The following ZZZ3 variants were observed in gnomAD, a reference collection of about 807,000 sequenced individuals.
ZZZ3 encodes zinc finger ZZ-type containing 3, also known as ZZ-type zinc finger-containing protein 3.
Under a neutral mutation model 95.2 loss-of-function variants are expected in ZZZ3, and 22 were observed. The ratio of observed to expected loss-of-function variants is 0.23; its 90% CI spans 0.17 to 0.33. The LOEUF (loss-of-function observed/expected upper bound fraction) is 0.33, where lower values mean the gene tolerates loss of function less well. Among genes scored for constraint, ZZZ3 ranks in the 10% least tolerant of loss-of-function variants. The probability of loss-of-function intolerance (pLI) is 1.00; values close to 1 mark genes in which losing one functional copy is unlikely to be tolerated. For missense variants in ZZZ3, 885 were observed against 1,066.5 expected, an observed-to-expected ratio of 0.83 and a Z score of 2.37; for synonymous variants, 335 against 358.9, an observed-to-expected ratio of 0.93 and a Z score of 0.75.
chr1:77,622,873 T>C (rs1180910216), intron 5 of ZZZ3, among the ~76,000 whole-genome samples: 1 of 152,206 alleles, frequency 6.6e-6, no homozygotes, highest in Non-Finnish European at 1.5e-5. Context: ...CTGAAACTAT[T>C]TTTTAAGGTA....
intron 1 of ZZZ3, among the ~76,000 whole-genome samples, chr1:77,673,025 T>A (rs1433666693): frequency 1.3e-5 from 2 of 152,226 alleles, no homozygotes; most frequent in African/African-American, 2.4e-5. Context: ...ACAGGACTGC[T>A]AAGTATACAC....
At chr1:77,658,187 A>G (rs1242871247) in intron 1 of ZZZ3, among the ~76,000 whole-genome samples, 1 of 151,222 alleles carries the variant, frequency 6.6e-6, no homozygotes, top group Non-Finnish European at 1.5e-5. Flanking sequence ...TCAAAAAAAA[A>G]AAAAAAAAAA....
At chr1:77,650,960 A>C (rs987405752) in intron 1 of ZZZ3, among the ~76,000 whole-genome samples, 1 of 152,300 alleles carries the variant, frequency 6.6e-6, no homozygotes. Flanking sequence ...AGGACATAAT[A>C]ATCTTTCCAA....
At chr1:77,649,816 T>C (rs1669637774) in intron 1 of ZZZ3, among the ~76,000 whole-genome samples, 1 of 150,774 alleles carries the variant, frequency 6.6e-6, no homozygotes, top group Non-Finnish European at 1.5e-5. Context: ...CAGGAGGCAG[T>C]GAGCCGAGAT....
chr1:77,571,861 G>A (rs1418048228), intron 12 of ZZZ3, among the ~76,000 whole-genome samples: 1 of 152,188 alleles, frequency 6.6e-6, no homozygotes, highest in African/African-American at 2.4e-5. Context: ...GCACAATAAT[G>A]TGACTGTACA....
At chr1:77,635,907 A>G (rs915580991) in intron 4 of ZZZ3, among the ~76,000 whole-genome samples, 3 of 151,984 alleles carry the variant, frequency 2.0e-5, no homozygotes, top group African/African-American at 7.2e-5. Flanking sequence ...CTCTGTCTCA[A>G]AAAAAAATAA....
rs555131825 is a variant in ZZZ3, at chr1:77,616,534, TCA to T, written c.1505+15314_1505+15315del. On this transcript the variant is annotated intron_variant, in intron 5 of 14. Transcript: ENST00000370801. Reference sequence around the variant, plus strand: ...TTTTCCTTATTAAAAACAACAATTTTCACACTTTTTGCTCTATGCATCTCTAC... The same window carrying T: ...TTTTCCTTATTAAAAACAACAATTTTCACTTTTTGCTCTATGCATCTCTAC... 7.9e-3 allele frequency among the ~76,000 whole-genome samples: 1,197 copies of T among 152,326 alleles called. 7 individuals carry two copies. Among genetic ancestry groups the T allele is most frequent in the Non-Finnish European group, 0.012 (836 of 68,026 alleles).
chr1:77,570,158 A>C (rs1661232700), intron 12 of ZZZ3, among the ~76,000 whole-genome samples: 1 of 152,184 alleles, frequency 6.6e-6, no homozygotes, highest in Admixed American at 6.5e-5. Context: ...GCTGGAGCGC[A>C]GTGGCGCGAT....
At chr1:77,660,097 G>A (rs551777483) in intron 1 of ZZZ3, among the ~76,000 whole-genome samples, 20 of 152,232 alleles carry the variant, frequency 1.3e-4, no homozygotes, top group African/African-American at 4.3e-4. Flanking sequence ...CTCCCAAAGA[G>A]CTGGGATTAC....
At chr1:77,667,748 AG>A (rs561996472) in intron 1 of ZZZ3, among the ~76,000 whole-genome samples, 54 of 149,546 alleles carry the variant, frequency 3.6e-4, no homozygotes, top group African/African-American at 1.3e-3. Flanking sequence ...ATATACCATT[AG>A]TTAAATGGGT....
At position 77,565,529 on chromosome 1, in the gene ZZZ3, G is replaced by A. The variant is rs1478913948; in HGVS notation, c.*111C>T. 1 of 1,193,680 alleles carries A rather than the reference G, an allele frequency of 8.4e-7. No homozygotes were observed. The highest frequency in any genetic ancestry group is 1.5e-5 in the South Asian group (1 of 68,262). 73.9% of individuals were successfully genotyped at this position (1,193,680 alleles called of 1,614,324 possible). A position where few individuals can be genotyped will look rare whatever the true frequency, so the allele number is the denominator to read the frequency against. ...AGAACACTCAGGAAGCTCTCATGCTGTGAGTGTCATTTCTGGGAAAGCAGA... is the reference window on the plus strand; with the variant it reads ...AGAACACTCAGGAAGCTCTCATGCTATGAGTGTCATTTCTGGGAAAGCAGA... On this transcript the variant is annotated 3_prime_UTR_variant, in exon 15 of 15. Transcript: ENST00000370801.
chr1:77,575,991 G>GA (rs1157747277), intron 12 of ZZZ3, 77 bp downstream of exon 12: 2 of 1,184,192 alleles, frequency 1.7e-6, no homozygotes, highest in Non-Finnish European at 2.3e-6. Context: ...AACATTCTCT[G>GA]AAGAGTGGAA....
chr1:77,678,329 CAT>C (rs1056616308), intron 1 of ZZZ3, among the ~76,000 whole-genome samples: 13 of 152,008 alleles, frequency 8.6e-5, no homozygotes, highest in African/African-American at 3.1e-4. Flanking sequence ...AAGGAAGTTC[CAT>C]ACACAGTAGC....
chr1:77,618,442 A>C (rs1666541375), intron 5 of ZZZ3, among the ~76,000 whole-genome samples: 1 of 152,098 alleles, frequency 6.6e-6, no homozygotes, highest in Non-Finnish European at 1.5e-5. Flanking sequence ...TGCCATCTGC[A>C]AAATGAAATT....
chr1:77,654,652 T>A lies in ZZZ3; in HGVS notation c.-402-12997A>T, dbSNP rs546875154. On this transcript the variant is annotated intron_variant, in intron 1 of 14. Transcript: ENST00000370801. ...GAAAAGAAAAAATAGGAAATAAACA[T>A]AACTGGCCCTTTTGACATCAGGCCT... 1.5e-4 allele frequency among the ~76,000 whole-genome samples: 23 copies of A among 152,184 alleles called. No individual in the cohort carries two copies. The South Asian group carries it at 3.3e-3, about 22-fold the overall frequency.
At chr1:77,574,127 GATAGATTTACATATAGATATAT>G in intron 12 of ZZZ3, among the ~76,000 whole-genome samples, 2 of 147,748 alleles carry the variant, frequency 1.4e-5, no homozygotes, top group South Asian at 2.1e-4. Flanking sequence ...TATATATATA[GATAGATTTACATATAGATATAT>G]ATAGATTTAT....
intron 5 of ZZZ3, among the ~76,000 whole-genome samples, chr1:77,588,861 T>C (rs964234421): frequency 2.6e-5 from 4 of 152,212 alleles, no homozygotes; most frequent in Non-Finnish European, 4.4e-5. Context: ...TGAACTTACT[T>C]GTGTCAAAGA....
chr1:77,653,692 G>A (rs1379943206), intron 1 of ZZZ3, among the ~76,000 whole-genome samples: 1 of 152,106 alleles, frequency 6.6e-6, no homozygotes, highest in Admixed American at 6.5e-5. Flanking sequence ...GGCGGAGGTT[G>A]CGGTGAGCCT....
At chr1:77,619,518 C>CT (rs1375089422) in intron 5 of ZZZ3, among the ~76,000 whole-genome samples, 1 of 152,150 alleles carries the variant, frequency 6.6e-6, no homozygotes, top group Non-Finnish European at 1.5e-5. Context: ...TTCTTAACCA[C>CT]TCTGTAGGCT....
Sources: gnomAD v4.1 joint callset for allele counts (sites outside exome capture counted in the v4.1 genomes callset) on GRCh38, gnomAD v4.1.1 for gene constraint, MANE v1.5 for transcripts, NCBI Gene and HGNC (gene_info 2026-07-23, HGNC 2026-07-21) for gene names.